The following PTPRN2 variants were observed in gnomAD, a reference collection of about 807,000 sequenced individuals.
PTPRN2 encodes the protein protein tyrosine phosphatase receptor type N2, also known as receptor-type tyrosine-protein phosphatase N2.
In PTPRN2, 74 loss-of-function variants were observed where a neutral mutation model predicts 118.8. That is an observed-to-expected ratio of 0.62 (90% CI 0.52 to 0.76). PTPRN2 has a LOEUF of 0.76. Ranked by LOEUF, PTPRN2 falls within the 30% of genes least tolerant of loss-of-function variation. The pLI is 0.00. For missense variants in PTPRN2, 1,481 were observed against 1,394.4 expected (o/e 1.06, Z -0.99); for synonymous variants, 641 against 608.0 (o/e 1.05, Z -0.80).
At position 158,544,338 on chromosome 7, in the gene PTPRN2, C is replaced by T. The variant is rs1826159878; in HGVS notation, c.112+43220G>A. 6.6e-6 allele frequency among the ~76,000 whole-genome samples: 1 copy of T among 152,012 alleles called. No homozygotes were observed. The highest frequency in any genetic ancestry group is 2.1e-4 in the South Asian group (1 of 4,828). ...CACAAATTCATAAACTTTCTTAAAA[C>T]ATTATGAGATTTTTTGGCCGGGTGC... On this transcript the variant is annotated intron_variant, in intron 1 of 22. Transcript: ENST00000389418. The surrounding 1 kb of genome is among the most constrained non-coding windows in gnomAD (Gnocchi z 4.2).
At chr7:157,790,228 G>GGT (rs1295246423) in intron 12 of PTPRN2, among the ~76,000 whole-genome samples, 58 of 139,734 alleles carry the variant, frequency 4.2e-4, no homozygotes, top group Non-Finnish European at 8.9e-4. Flanking sequence ...TGTGTATGGT[G>GGT]GTGTGTGTGT....
At chr7:157,594,480 G>T (rs1477331893) in intron 17 of PTPRN2, among the ~76,000 whole-genome samples, 1 of 152,342 alleles carries the variant, frequency 6.6e-6, no homozygotes, top group East Asian at 1.9e-4. Flanking sequence ...GCACCTCCCT[G>T]CCTGGATTCT....
At chr7:157,660,515 C>T (rs1795834703) in intron 13 of PTPRN2, among the ~76,000 whole-genome samples, 1 of 152,202 alleles carries the variant, frequency 6.6e-6, no homozygotes, top group African/African-American at 2.4e-5. Flanking sequence ...CTCTAAAGGT[C>T]TCTAAGCCTA....
intron 9 of PTPRN2, among the ~76,000 whole-genome samples, chr7:158,115,858 G>A (rs1816686121): frequency 6.6e-6 from 1 of 152,234 alleles, no homozygotes; most frequent in South Asian, 2.1e-4. Context: ...AAGGCATCAG[G>A]TGAAGATATG....
chr7:158,576,961 G>C (rs10269102), intron 1 of PTPRN2, among the ~76,000 whole-genome samples: 4,697 of 65,878 alleles, frequency 0.071, 189 homozygotes, highest in East Asian at 0.16. Context: ...TGAGGGCTGC[G>C]CACCCTGCCT....
chr7:158,357,520 C>G (rs1808484478), intron 2 of PTPRN2, among the ~76,000 whole-genome samples: 1 of 152,244 alleles, frequency 6.6e-6, no homozygotes, highest in Admixed American at 6.5e-5. Context: ...CACTGGCCTT[C>G]AGGGTGCTGG....
At chr7:157,758,295 C>T (rs1325185233) in intron 12 of PTPRN2, among the ~76,000 whole-genome samples, 2 of 152,226 alleles carry the variant, frequency 1.3e-5, no homozygotes, top group Non-Finnish European at 2.9e-5. Context: ...CGCCATTCCC[C>T]GTGGCCTGCA....
chr7:158,183,995 TAG>T (rs1352229474), intron 5 of PTPRN2, among the ~76,000 whole-genome samples: 1 of 152,232 alleles, frequency 6.6e-6, no homozygotes, highest in Non-Finnish European at 1.5e-5. Flanking sequence ...TTTTAGTTTT[TAG>T]AGATTTTTAT....
chr7:157,567,084 C>G (rs1799523015), intron 21 of PTPRN2, among the ~76,000 whole-genome samples: 1 of 152,006 alleles, frequency 6.6e-6, no homozygotes, highest in Non-Finnish European at 1.5e-5. Context: ...AAGGGAGGGC[C>G]CATGATAAGT....
At chr7:157,878,637 C>A (rs878918533) in intron 12 of PTPRN2, among the ~76,000 whole-genome samples, 1 of 140,218 alleles carries the variant, frequency 7.1e-6, no homozygotes, top group Non-Finnish European at 1.5e-5. Context: ...TGCACCCACG[C>A]TTACTCACTG....
intron 2 of PTPRN2, among the ~76,000 whole-genome samples, chr7:158,485,905 T>A (rs552497116): frequency 6.6e-6 from 1 of 152,366 alleles, no homozygotes; most frequent in African/African-American, 2.4e-5. Context: ...CCTGAGTTTT[T>A]CATTTACTTT....
At position 157,830,230 on chromosome 7, in the gene PTPRN2, C is replaced by T. The variant is rs73746647; in HGVS notation, c.1788+68443G>A. Reference sequence around the variant, plus strand: ...CTGGGGTCCCTGAATTCACAGTCCTCATCCTCAGACTCAGGGGCATCCAGC... The same window carrying T: ...CTGGGGTCCCTGAATTCACAGTCCTTATCCTCAGACTCAGGGGCATCCAGC... On this transcript the variant is annotated intron_variant, in intron 12 of 22. Transcript: ENST00000389418. 5.3e-3 allele frequency among the ~76,000 whole-genome samples: 805 copies of T among 152,262 alleles called. 7 individuals carry two copies. The highest frequency in any genetic ancestry group is 0.018 in the African/African-American group (750 of 41,554).
intron 12 of PTPRN2, among the ~76,000 whole-genome samples, chr7:157,822,712 CACCCATCCACTATCCATCT>C (rs1250534873): frequency 6.6e-6 from 1 of 151,994 alleles, no homozygotes; most frequent in African/African-American, 2.4e-5. Context: ...CTCTTCTATC[CACCCATCCACTATCCATCT>C]ACCCATCCAC....
intron 11 of PTPRN2, among the ~76,000 whole-genome samples, chr7:157,920,711 A>G (rs1798649643): frequency 6.6e-6 from 1 of 152,260 alleles, no homozygotes. Flanking sequence ...TGCTGGACCA[A>G]TGGGATACTC....
At chr7:158,084,506 A>G (rs755428087) in intron 10 of PTPRN2, among the ~76,000 whole-genome samples, 1 of 152,070 alleles carries the variant, frequency 6.6e-6, no homozygotes, top group Non-Finnish European at 1.5e-5. Context: ...TCAAAAGGGG[A>G]ATTTCTGTAC....
intron 2 of PTPRN2, among the ~76,000 whole-genome samples, chr7:158,352,811 G>A (rs1382922516): frequency 1.3e-5 from 2 of 152,236 alleles, no homozygotes; most frequent in Admixed American, 1.3e-4. Flanking sequence ...TTTCAGGTGA[G>A]AGCAGAGATA....
At chr7:158,527,901 A>C (rs1280996564) in intron 1 of PTPRN2, among the ~76,000 whole-genome samples, 1 of 148,714 alleles carries the variant, frequency 6.7e-6, no homozygotes, top group African/African-American at 2.5e-5. Context: ...CTGCTGTCTC[A>C]ACCACCTTCC....
At chr7:158,006,397 T>C (rs1208259597) in intron 11 of PTPRN2, among the ~76,000 whole-genome samples, 3 of 152,198 alleles carry the variant, frequency 2.0e-5, no homozygotes, top group African/African-American at 7.2e-5. Flanking sequence ...GAGCCTTCTT[T>C]TGGCATCCAG....
chr7:158,045,356 A>G (rs1042424456), intron 11 of PTPRN2, among the ~76,000 whole-genome samples: 5 of 152,204 alleles, frequency 3.3e-5, no homozygotes, highest in African/African-American at 9.6e-5. Context: ...CATTAATCAG[A>G]TTTCTAATTT....
Sources: allele counts gnomAD v4.1 joint callset (sites outside exome capture counted in the v4.1 genomes callset), GRCh38; gene constraint gnomAD v4.1.1; non-coding constraint Gnocchi (gnomAD v3.1); transcripts MANE v1.5; gene names NCBI Gene and HGNC (gene_info 2026-07-23, HGNC 2026-07-21).